RNF182: variants seen among roughly 807,000 people sequenced by gnomAD.
RNF182 encodes ring finger protein 182.
In RNF182, 15 loss-of-function variants were observed where a neutral mutation model predicts 14.4. The ratio of observed to expected loss-of-function variants is 1.04; its 90% CI spans 0.70 to 1.60. The LOEUF is 1.60. Among genes scored for constraint, RNF182 ranks in the 40% most tolerant of loss-of-function variants. The probability of loss-of-function intolerance (pLI) is 0.00; values close to 1 mark genes in which losing one functional copy is unlikely to be tolerated. For synonymous variants in RNF182, 128 were observed against 122.9 expected (o/e 1.04, Z -0.27); for missense variants, 268 against 294.8 (o/e 0.91, Z 0.67).
At chr6:13,969,506 G>C (rs1216064096) in intron 1 of RNF182, among the ~76,000 whole-genome samples, 1 of 152,088 alleles carries the variant, frequency 6.6e-6, no homozygotes, top group Non-Finnish European at 1.5e-5. Flanking sequence ...CGAAGAAGTG[G>C]GGGCAGTTGG....
chr6:13,926,894 A>C (rs1337123156), intron 1 of RNF182, among the ~76,000 whole-genome samples: 1 of 152,054 alleles, frequency 6.6e-6, no homozygotes, highest in Non-Finnish European at 1.5e-5. Flanking sequence ...TTTCTGCCAG[A>C]TGAAACCCAC....
intron 1 of RNF182, among the ~76,000 whole-genome samples, chr6:13,965,981 T>TA (rs1394742549): frequency 1.3e-5 from 2 of 152,200 alleles, no homozygotes; most frequent in African/African-American, 2.4e-5. Flanking sequence ...AGTTCTTTGA[T>TA]ACTTTTTTTT....
rs1177459956 is a variant in RNF182, at chr6:13,979,536, A to G, written c.*1673A>G. On this transcript the variant is annotated 3_prime_UTR_variant, in exon 3 of 3. Transcript: ENST00000488300. ...AATAGTATACATGGGATATGGTCCAATGAATTTAAGCCCCAAGATACAGCT... is the reference window on the plus strand; with the variant it reads ...AATAGTATACATGGGATATGGTCCAGTGAATTTAAGCCCCAAGATACAGCT... 2 of 167,026 alleles carry G rather than the reference A, an allele frequency of 1.2e-5. No individual in the cohort carries two copies. 10.3% of individuals were successfully genotyped at this position (167,026 alleles called of 1,614,324 possible).
chr6:13,960,159 A>G (rs1043352794), intron 1 of RNF182, among the ~76,000 whole-genome samples: 1 of 152,218 alleles, frequency 6.6e-6, no homozygotes, highest in African/African-American at 2.4e-5. Flanking sequence ...CAAGGTGAAG[A>G]CAGAAAAGGA....
chr6:13,933,133 A>G (rs1247359351), intron 1 of RNF182, among the ~76,000 whole-genome samples: 3 of 152,220 alleles, frequency 2.0e-5, no homozygotes, highest in Non-Finnish European at 2.9e-5. Context: ...CTGTGTAGTC[A>G]TCATAACAAT....
chr6:13,955,932 G>T (rs1759717746), intron 1 of RNF182, among the ~76,000 whole-genome samples: 2 of 152,000 alleles, frequency 1.3e-5, no homozygotes, highest in Non-Finnish European at 2.9e-5. Context: ...GAAAATATAT[G>T]GTTTTCAAAT....
rs1284199538 is a variant in RNF182, at chr6:13,978,556, A to G, written c.*693A>G. ...GTCCTTGAGACACACTCTTTCCTCCATGTCTGTTTTCCTCTCTCCTCAGTC... is the reference window on the plus strand; with the variant it reads ...GTCCTTGAGACACACTCTTTCCTCCGTGTCTGTTTTCCTCTCTCCTCAGTC... On this transcript the variant is annotated 3_prime_UTR_variant, in exon 3 of 3. Transcript: ENST00000488300. 1 of 148,314 alleles carries G rather than the reference A, an allele frequency of 6.7e-6. No homozygotes were observed. Among genetic ancestry groups the G allele is most frequent in the Non-Finnish European group, 1.7e-5 (1 of 57,756 alleles). The allele number at this position is 148,314 out of a possible 1,614,324, so 9.2% of individuals were successfully genotyped here. A position where few individuals can be genotyped will look rare whatever the true frequency, so the allele number is the denominator to read the frequency against.
At chr6:13,931,588 A>G (rs1418159221) in intron 1 of RNF182, among the ~76,000 whole-genome samples, 2 of 152,206 alleles carry the variant, frequency 1.3e-5, no homozygotes, top group East Asian at 3.9e-4. Flanking sequence ...GAATCTGAAT[A>G]GTAAGGAATA....
At chr6:13,958,109 T>C (rs929349931) in intron 1 of RNF182, among the ~76,000 whole-genome samples, 9 of 152,186 alleles carry the variant, frequency 5.9e-5, no homozygotes, top group Non-Finnish European at 1.3e-4. Context: ...TTTGATATTT[T>C]TATGGACATT....
rs1449521524 is a variant in RNF182, at chr6:13,925,034, C to G, written c.-367+11C>G. 1 of 150,090 alleles carries G rather than the reference C, an allele frequency of 6.7e-6. No homozygotes were observed. Among genetic ancestry groups the G allele is most frequent in the East Asian group, 1.9e-4 (1 of 5,150 alleles). The allele number at this position is 150,090 out of a possible 1,614,324, so 9.3% of individuals were successfully genotyped here. ...GCCGCCGCCGGCCAGGTAAGGCGAT[C>G]GCGCCCGCGGCCGGGGAGGGGTCGG... On this transcript the variant is annotated intron_variant, in intron 1 of 2. Transcript: ENST00000488300.
intron 1 of RNF182, among the ~76,000 whole-genome samples, chr6:13,954,232 C>G (rs1275339859): frequency 6.6e-6 from 1 of 152,132 alleles, no homozygotes; most frequent in Non-Finnish European, 1.5e-5. Context: ...ATTGAAGAGA[C>G]TTGCCTTTAA....
chr6:13,944,512 A>G (rs1003243816), intron 1 of RNF182, among the ~76,000 whole-genome samples: 3 of 152,178 alleles, frequency 2.0e-5, no homozygotes, highest in African/African-American at 7.2e-5. Context: ...GAGCCTGACT[A>G]AAGTTTGGTC....
At chr6:13,926,687 A>G (rs1021174485) in intron 1 of RNF182, among the ~76,000 whole-genome samples, 2 of 152,226 alleles carry the variant, frequency 1.3e-5, no homozygotes, top group African/African-American at 4.8e-5. Flanking sequence ...AAGCATGAAC[A>G]GCAAATAGGA....
chr6:13,938,706 T>A (rs1316806239), intron 1 of RNF182, among the ~76,000 whole-genome samples: 1 of 152,232 alleles, frequency 6.6e-6, no homozygotes, highest in Non-Finnish European at 1.5e-5. Context: ...ATATTATCTC[T>A]TCTCCATTAA....
intron 1 of RNF182, among the ~76,000 whole-genome samples, chr6:13,962,066 C>T (rs1397679423): frequency 6.6e-6 from 1 of 152,150 alleles, no homozygotes; most frequent in East Asian, 1.9e-4. Context: ...ATCGTCTCTA[C>T]AAAGTTCAAC....
intron 1 of RNF182, among the ~76,000 whole-genome samples, chr6:13,941,470 C>G (rs932683040): frequency 6.6e-6 from 1 of 151,990 alleles, no homozygotes; most frequent in South Asian, 2.1e-4. Context: ...ATATAGCTGG[C>G]TTTTGTTTAC....
At chr6:13,960,691 G>A (rs549830948) in intron 1 of RNF182, among the ~76,000 whole-genome samples, 1,969 of 119,004 alleles carry the variant, frequency 0.017, 109 homozygotes, top group Admixed American at 0.12. Context: ...GTGTGTGTGT[G>A]TGCGCGCGTG....
At chr6:13,975,719 T>C (rs1244404187) in intron 2 of RNF182, among the ~76,000 whole-genome samples, 2 of 152,188 alleles carry the variant, frequency 1.3e-5, no homozygotes, top group Non-Finnish European at 2.9e-5. Context: ...CCATAGCAAA[T>C]TTAAATGTCT....
At chr6:13,928,501 T>G (rs566500219) in intron 1 of RNF182, among the ~76,000 whole-genome samples, 1 of 152,374 alleles carries the variant, frequency 6.6e-6, no homozygotes, top group South Asian at 2.1e-4. Flanking sequence ...AGTTACCAGT[T>G]AATTTTGTAA....
Sources: allele counts gnomAD v4.1 joint callset (sites outside exome capture counted in the v4.1 genomes callset), GRCh38; gene constraint gnomAD v4.1.1; transcripts MANE v1.5; gene names NCBI Gene and HGNC (gene_info 2026-07-23, HGNC 2026-07-21).